The following MAP4K4 variants were observed in gnomAD, a reference collection of about 807,000 sequenced individuals.
The protein encoded by MAP4K4 is mitogen-activated protein kinase kinase kinase kinase 4, also known as HPK/GCK-like kinase HGK.
A neutral mutation model predicts 189.6 loss-of-function variants in MAP4K4; 38 were observed. That is an observed-to-expected ratio of 0.20 (90% CI 0.15 to 0.26). MAP4K4 has a LOEUF of 0.26. MAP4K4 is among the 10% of genes least tolerant of loss of function. MAP4K4 has a pLI of 1.00. For missense variants in MAP4K4, 1,054 were observed against 1,726.9 expected, an observed-to-expected ratio of 0.61 and a Z score of 6.91; for synonymous variants, 610 against 624.3, an observed-to-expected ratio of 0.98 and a Z score of 0.34.
intron 20 of MAP4K4, chr2:101,867,696 T>A (rs1288946433): frequency 1.5e-5 from 6 of 391,916 alleles, no homozygotes; most frequent in African/African-American, 1.2e-4. Context: ...CTTTACTTAT[T>A]CTTCGTGAGT....
At chr2:101,869,251 T>G (rs1164768608) in intron 21 of MAP4K4, among the ~76,000 whole-genome samples, 2 of 152,066 alleles carry the variant, frequency 1.3e-5, no homozygotes, top group African/African-American at 4.8e-5. Flanking sequence ...TAGGGAGATC[T>G]CCTTACAACA....
chr2:101,879,272 GT>G (rs200445614), intron 27 of MAP4K4, among the ~76,000 whole-genome samples: 19,613 of 125,528 alleles, frequency 0.16, 1,442 homozygotes, highest in South Asian at 0.22. Context: ...CTACTTTTCT[GT>G]TTTTTTTTTT....
chr2:101,778,304 G>T (rs544716046), intron 2 of MAP4K4, among the ~76,000 whole-genome samples: 2 of 152,324 alleles, frequency 1.3e-5, no homozygotes, highest in African/African-American at 4.8e-5. Context: ...TCACCTCTGC[G>T]TGTCTCTGAT....
rs561070534 is a variant in MAP4K4, at chr2:101,883,508, A to AT, written c.3520+832dup. Among the ~76,000 whole-genome samples the AT allele has an allele frequency of 8.1e-4, 123 of 151,780 alleles. 1 individual carries two copies. The highest frequency in any genetic ancestry group is 3.4e-3 in the Middle Eastern group (1 of 292). On this transcript the variant is annotated intron_variant, in intron 28 of 32. Transcript: ENST00000324219. ...CCACCACGCCCAGCTAATCAAAACA[A>AT]TTTTTTTTTAAACATGAAAAAACCA...
intron 2 of MAP4K4, among the ~76,000 whole-genome samples, chr2:101,781,091 A>G (rs1194885651): frequency 6.6e-6 from 1 of 152,212 alleles, no homozygotes; most frequent in African/African-American, 2.4e-5. Flanking sequence ...ATGCTCTGAC[A>G]TGAAGACTTG....
At position 101,794,884 on chromosome 2, in the gene MAP4K4, T is replaced by A. The variant is rs139611521; in HGVS notation, c.180+4108T>A. 9.1e-4 allele frequency among the ~76,000 whole-genome samples: 138 copies of A among 152,310 alleles called. 4 individuals carry two copies. In the East Asian group the frequency reaches 0.024, roughly 26 times the overall value. ...CCAGATTGTTTTGTAAAGTATCCTG[T>A]ATTCTGGATTTGATGGTTTCCTCAT... is the stretch of plus-strand genomic sequence containing the variant. On this transcript the variant is annotated intron_variant, in intron 3 of 32. Coordinates refer to ENST00000324219, the Ensembl canonical transcript of MAP4K4.
intron 2 of MAP4K4, among the ~76,000 whole-genome samples, chr2:101,708,719 T>C (rs1234896150): frequency 6.6e-6 from 1 of 152,214 alleles, no homozygotes; most frequent in East Asian, 1.9e-4. Context: ...CAAATCAATA[T>C]TGGAACACTT....
chr2:101,873,860 C>A, intron 25 of MAP4K4, 96 bp downstream of exon 25: 1 of 917,140 alleles, frequency 1.1e-6, no homozygotes, highest in Non-Finnish European at 1.7e-6. Flanking sequence ...TGTTCACAGG[C>A]ACAGACCTCG....
chr2:101,729,192 C>T (rs1285983382), intron 2 of MAP4K4, among the ~76,000 whole-genome samples: 2 of 151,100 alleles, frequency 1.3e-5, no homozygotes, highest in African/African-American at 2.4e-5. Flanking sequence ...GAAATCTGCT[C>T]GATGTTGTAG....
Position 101,840,926 on chromosome 2 carries a change from A to G in MAP4K4, c.949+932A>G, listed in dbSNP as rs538657191. 3.3e-5 allele frequency among the ~76,000 whole-genome samples: 5 copies of G among 152,350 alleles called. No homozygotes were observed. In the South Asian group the frequency reaches 1.0e-3, roughly 32 times the overall value. ...TTATAAAAGTAATTAGGCTTTGTAC[A>G]TTAAGCTATGCACTTGTAACACAGT... On this transcript the variant is annotated intron_variant, in intron 10 of 32. Coordinates refer to ENST00000324219, the Ensembl canonical transcript of MAP4K4.
chr2:101,875,725 C>T (rs1016343716), intron 26 of MAP4K4, among the ~76,000 whole-genome samples: 1 of 152,164 alleles, frequency 6.6e-6, no homozygotes. Flanking sequence ...ATCTGTGCTA[C>T]ATGTTACAAA....
intron 29 of MAP4K4, among the ~76,000 whole-genome samples, chr2:101,886,765 G>T (rs1216163887): frequency 6.6e-6 from 1 of 152,124 alleles, no homozygotes; most frequent in African/African-American, 2.4e-5. Context: ...TCTCCGGCCG[G>T]GCGTGGTGGC....
intron 2 of MAP4K4, among the ~76,000 whole-genome samples, chr2:101,718,682 T>G (rs951073055): frequency 4.6e-5 from 7 of 152,006 alleles, no homozygotes. Context: ...GAGCAGAAGT[T>G]GCCAGTCCTG....
At chr2:101,860,958 C>A (rs769213670) in exon 16 of MAP4K4, 6 of 1,602,350 alleles carry the variant, frequency 3.7e-6, no homozygotes, top group Non-Finnish European at 5.1e-6. Context: ...TCTGTGCATC[C>A]CGCCCTGCAG....
chr2:101,861,708 C>T (rs1024652189), intron 16 of MAP4K4: 27 of 152,058 alleles, frequency 1.8e-4, no homozygotes, highest in African/African-American at 6.5e-4. Flanking sequence ...GAACAAGCAA[C>T]GAAGATCATG....
chr2:101,785,683 TC>T (rs1558913181), intron 2 of MAP4K4, among the ~76,000 whole-genome samples: 3 of 1,806 alleles, frequency 1.7e-3, no homozygotes, highest in African/African-American at 2.9e-3. Flanking sequence ...TCTCCCTCTC[TC>T]TCTCTCTCTC....
At chr2:101,755,160 T>A (rs993863178) in intron 2 of MAP4K4, among the ~76,000 whole-genome samples, 1 of 151,144 alleles carries the variant, frequency 6.6e-6, no homozygotes, top group Admixed American at 6.6e-5. Context: ...AAAAAATTAG[T>A]TTGTTGTTTT....
chr2:101,804,050 G>T (rs2094649477), intron 3 of MAP4K4, among the ~76,000 whole-genome samples: 3 of 152,124 alleles, frequency 2.0e-5, no homozygotes, highest in Admixed American at 1.3e-4. Flanking sequence ...GGCTCTCTCT[G>T]CTCCAAGGGC....
At chr2:101,853,136 T>A (rs1264728525) in intron 12 of MAP4K4, among the ~76,000 whole-genome samples, 1 of 152,236 alleles carries the variant, frequency 6.6e-6, no homozygotes, top group Non-Finnish European at 1.5e-5. Context: ...CACCTTACTC[T>A]GTTGCTAAGT....
Sources: gnomAD v4.1 joint callset for allele counts (sites outside exome capture counted in the v4.1 genomes callset) on GRCh38, gnomAD v4.1.1 for gene constraint, MANE v1.5 for transcripts, NCBI Gene and HGNC (gene_info 2026-07-23, HGNC 2026-07-21) for gene names.